The following RAB10 variants were observed in gnomAD, a reference collection of about 807,000 sequenced individuals.
The protein encoded by RAB10 is RAB10, member RAS oncogene family.
Under a neutral mutation model 25.7 loss-of-function variants are expected in RAB10, and 5 were observed. The ratio of observed to expected loss-of-function variants is 0.19; its 90% CI spans 0.10 to 0.41. The LOEUF (loss-of-function observed/expected upper bound fraction) is 0.41. Ranked by LOEUF, RAB10 falls within the 10% of genes least tolerant of loss-of-function variation. The pLI is 1.00. For missense variants in RAB10, 103 were observed against 245.8 expected, an observed-to-expected ratio of 0.42 and a Z score of 3.89; for synonymous variants, 89 against 86.4, an observed-to-expected ratio of 1.03 and a Z score of -0.16.
chr2:26,084,585 G>A (rs1476588094), intron 1 of RAB10, among the ~76,000 whole-genome samples: 1 of 152,088 alleles, frequency 6.6e-6, no homozygotes, highest in Non-Finnish European at 1.5e-5. Flanking sequence ...ACAGTTGATT[G>A]CAGCAGTATG....
At chr2:26,111,126 A>G (rs1667559838) in intron 3 of RAB10, among the ~76,000 whole-genome samples, 1 of 152,084 alleles carries the variant, frequency 6.6e-6, no homozygotes, top group Non-Finnish European at 1.5e-5. Flanking sequence ...CTAGGCTTTG[A>G]GTTTTGTTAA....
At chr2:26,067,669 A>G (rs912647719) in intron 1 of RAB10, among the ~76,000 whole-genome samples, 3 of 152,250 alleles carry the variant, frequency 2.0e-5, no homozygotes, top group African/African-American at 7.2e-5. Flanking sequence ...GGTTAAGAAA[A>G]GAGGCAGACT....
chr2:26,131,534 C>T (rs985653709), intron 5 of RAB10, among the ~76,000 whole-genome samples: 3 of 152,094 alleles, frequency 2.0e-5, no homozygotes, highest in East Asian at 1.9e-4. Context: ...TTTAAAACAT[C>T]TTTTAATTTA....
intron 2 of RAB10, among the ~76,000 whole-genome samples, chr2:26,104,724 C>T (rs1559594240): frequency 1.3e-5 from 2 of 149,408 alleles, no homozygotes; most frequent in African/African-American, 4.9e-5. Context: ...AGGTCTTGAT[C>T]TGTTTTGAGG....
chr2:26,100,937 T>TCACAAATTG (rs1316875414), intron 2 of RAB10, among the ~76,000 whole-genome samples: 41 of 151,588 alleles, frequency 2.7e-4, no homozygotes, highest in African/African-American at 9.2e-4. Context: ...AATAAATATA[T>TCACAAATTG]CACAAATTGT....
Position 26,135,167 on chromosome 2 carries a change from C to G in RAB10, c.*146C>G, listed in dbSNP as rs975396496. The G allele has an allele frequency of 1.8e-6, 1 of 563,564 alleles. No individual in the cohort carries two copies. The highest frequency in any genetic ancestry group is 1.9e-5 in the African/African-American group (1 of 51,814). The allele number at this position is 563,564 out of a possible 1,614,324, so 34.9% of individuals were successfully genotyped here. The stretch of plus-strand genomic sequence containing the variant: ...AAGCCACCTATTTTATTTGTTCTTT[C>G]ATCTGTGACTGCTTGCTGACTTTAT... On this transcript the variant is annotated 3_prime_UTR_variant, in exon 6 of 6. Coordinates refer to ENST00000264710, the MANE Select transcript of RAB10 (RefSeq NM_016131.5).
chr2:26,091,489 G>A (rs1287639202), intron 1 of RAB10, among the ~76,000 whole-genome samples: 1 of 152,168 alleles, frequency 6.6e-6, no homozygotes, highest in Non-Finnish European at 1.5e-5. Context: ...CAATTAGCTA[G>A]ATCAGAGTGA....
Position 26,082,594 on chromosome 2 carries a change from T to C in RAB10, c.128-16068T>C, listed in dbSNP as rs1333305768. Among the ~76,000 whole-genome samples, 3 of 152,162 alleles carry C rather than the reference T, an allele frequency of 2.0e-5. No homozygotes were observed. The East Asian group carries it at 5.8e-4, about 29-fold the overall frequency. On this transcript the variant is annotated intron_variant, in intron 1 of 5. Transcript: ENST00000264710. ...TAGTAATTGATAGAATAAGTAGACA[T>C]ATATTTAAGAAATGAGATCTTAATT... is the stretch of plus-strand genomic sequence containing the variant.
intron 1 of RAB10, among the ~76,000 whole-genome samples, chr2:26,045,238 CTT>C (rs202201784): frequency 2.7e-5 from 4 of 146,470 alleles, no homozygotes; most frequent in African/African-American, 2.5e-5. Context: ...TCTCTTTCAA[CTT>C]TTTTTTTTTT....
At chr2:26,049,523 C>T (rs550845117) in intron 1 of RAB10, among the ~76,000 whole-genome samples, 48 of 151,972 alleles carry the variant, frequency 3.2e-4, no homozygotes, top group African/African-American at 1.1e-3. Context: ...ATTCTCCTGC[C>T]TCAGCCTCCC....
At chr2:26,108,993 C>A (rs770057576) in intron 2 of RAB10, among the ~76,000 whole-genome samples, 1 of 151,832 alleles carries the variant, frequency 6.6e-6, no homozygotes. Context: ...CTCACTGCAA[C>A]CTGTGCCTCC....
intron 1 of RAB10, among the ~76,000 whole-genome samples, chr2:26,074,984 A>G (rs1442695146): frequency 6.6e-6 from 1 of 152,214 alleles, no homozygotes; most frequent in African/African-American, 2.4e-5. Context: ...GACTTTTGGG[A>G]GGGACAGAAA....
chr2:26,105,137 GT>G (rs903216575), intron 2 of RAB10, among the ~76,000 whole-genome samples: 18 of 152,020 alleles, frequency 1.2e-4, no homozygotes, highest in African/African-American at 3.6e-4. Flanking sequence ...TGGAAAGCCT[GT>G]TTTTTTTCCC....
chr2:26,085,789 G>C lies in RAB10; in HGVS notation c.128-12873G>C, dbSNP rs544108598. On this transcript the variant is annotated intron_variant, in intron 1 of 5. Coordinates refer to ENST00000264710, the MANE Select transcript of RAB10 (RefSeq NM_016131.5). ...AGGCGAGTGGATCACCTGAGGTCGA[G>C]AGTTCGAGACCAGCCTGACCAACAT... is the stretch of plus-strand genomic sequence containing the variant. Among the ~76,000 whole-genome samples, 4 of 152,052 alleles carry C rather than the reference G, an allele frequency of 2.6e-5. No individual in the cohort carries two copies. In the East Asian group the frequency reaches 7.8e-4, roughly 30 times the overall value.
Position 26,121,073 on chromosome 2 carries a change from G to A in RAB10, c.328-6071G>A, listed in dbSNP as rs1039163390. Among the ~76,000 whole-genome samples, 4 of 151,820 alleles carry A rather than the reference G, an allele frequency of 2.6e-5. No homozygotes were observed. In the South Asian group the frequency reaches 6.2e-4, roughly 24 times the overall value. ...ATTACAGACGTGCATCGCCACACCCGGCTAATTTTAGTAATTTTAGTAGAG... is the reference window on the plus strand; with the variant it reads ...ATTACAGACGTGCATCGCCACACCCAGCTAATTTTAGTAATTTTAGTAGAG... On this transcript the variant is annotated intron_variant, in intron 3 of 5. Transcript: ENST00000264710.
At chr2:26,046,111 G>A (rs1243575913) in intron 1 of RAB10, among the ~76,000 whole-genome samples, 1 of 152,180 alleles carries the variant, frequency 6.6e-6, no homozygotes, top group Non-Finnish European at 1.5e-5. Context: ...GATCACCTGA[G>A]GTCGGGAGTT....
intron 2 of RAB10, among the ~76,000 whole-genome samples, chr2:26,104,123 G>A (rs1273740724): frequency 6.6e-6 from 1 of 152,112 alleles, no homozygotes; most frequent in African/African-American, 2.4e-5. Context: ...GGATCATATG[G>A]TACCTCCATG....
At chr2:26,119,895 C>A (rs531346838) in intron 3 of RAB10, among the ~76,000 whole-genome samples, 1 of 152,290 alleles carries the variant, frequency 6.6e-6, no homozygotes, top group East Asian at 1.9e-4. Flanking sequence ...AAGAATTATA[C>A]CTATTTCCTC....
rs112887829 is a variant in RAB10 at position 26,118,214 on chromosome 2, G to A, written c.327+8308G>A. ...TCTCGAACTCCTGACCTCATGGTCC[G>A]TCGTCCTCAGCCACCCAAAGTGCTG... On this transcript the variant is annotated intron_variant, in intron 3 of 5. Transcript: ENST00000264710. 7.2e-3 allele frequency among the ~76,000 whole-genome samples: 1,095 copies of A among 152,152 alleles called. 12 individuals are homozygous for A. The highest frequency in any genetic ancestry group is 0.027 in the Middle Eastern group (8 of 294).
Sources: gnomAD v4.1 joint callset for allele counts (sites outside exome capture counted in the v4.1 genomes callset) on GRCh38, gnomAD v4.1.1 for gene constraint, MANE v1.5 for transcripts, NCBI Gene and HGNC (gene_info 2026-07-23, HGNC 2026-07-21) for gene names.